The following AHNAK variants were observed in gnomAD, a reference collection of about 807,000 sequenced individuals.
The protein encoded by AHNAK is AHNAK nucleoprotein, also known as neuroblast differentiation-associated protein AHNAK.
AHNAK carries 23 observed loss-of-function variants against 37.8 expected under a neutral mutation model. That is an observed-to-expected ratio of 0.61 (90% CI 0.44 to 0.86). The LOEUF (loss-of-function observed/expected upper bound fraction) is 0.86, where lower values mean the gene tolerates loss of function less well. Ranked by LOEUF, AHNAK falls within the 40% of genes least tolerant of loss-of-function variation. AHNAK has a pLI of 0.00. For missense variants in AHNAK, 7,411 were observed against 7,319.4 expected, an observed-to-expected ratio of 1.01 and a Z score of -0.46; for synonymous variants, 2,481 against 2,636.3, an observed-to-expected ratio of 0.94 and a Z score of 1.80.
Position 62,531,327 on chromosome 11 carries a change from A to T in AHNAK, c.3090T>A (p.Ser1030=). 6.2e-7 allele frequency: 1 copy of T among 1,612,234 alleles called. No individual in the cohort carries two copies. The highest frequency in any genetic ancestry group is 8.5e-7 in the Non-Finnish European group (1 of 1,179,466). ...GAGCATTAGTATCTACTTTTGGTGC[A>T]GAAATGTCCACATTCGCTTTGGACA... The part of the protein sequence containing the change: ...VNLSKANVDI[S]APKVDTNAPD... The change falls in exon 5 of 5, where the codon TCT becomes TCA. Residue 1030 remains serine, a synonymous_variant. Transcript: ENST00000378024.
intron 1 of AHNAK, among the ~76,000 whole-genome samples, chr11:62,539,365 T>A (rs1590691378): frequency 6.6e-6 from 1 of 152,210 alleles, no homozygotes; most frequent in African/African-American, 2.4e-5. Context: ...CACCCCAGCA[T>A]CCTGGTGCTG....
At chr11:62,497,062 G>A (rs903390874) in intron 4 of AHNAK, among the ~76,000 whole-genome samples, 4 of 152,168 alleles carry the variant, frequency 2.6e-5, no homozygotes, top group Non-Finnish European at 5.9e-5. Context: ...ATTATACTGA[G>A]TGATGCGTGG....
chr11:62,468,105 T>C (rs1174174970), intron 5 of AHNAK, among the ~76,000 whole-genome samples: 4 of 152,174 alleles, frequency 2.6e-5, no homozygotes, highest in African/African-American at 9.7e-5. Context: ...CCTAGCACTT[T>C]GGGAGGCCGA....
chr11:62,503,773 A>G (rs951512982), intron 4 of AHNAK, among the ~76,000 whole-genome samples: 12 of 152,100 alleles, frequency 7.9e-5, no homozygotes, highest in African/African-American at 2.7e-4. Context: ...AATTACTTCA[A>G]ACTAAGAGCA....
chr11:62,469,654 G>T (rs1030529372), intron 5 of AHNAK, among the ~76,000 whole-genome samples: 1 of 151,862 alleles, frequency 6.6e-6, no homozygotes, highest in Admixed American at 6.6e-5. Context: ...TTTTAGTAGA[G>T]ATGGGGTTTC....
At chr11:62,460,120 A>AAG (rs1938751744) in intron 5 of AHNAK, among the ~76,000 whole-genome samples, 1 of 151,186 alleles carries the variant, frequency 6.6e-6, no homozygotes, top group Non-Finnish European at 1.5e-5. Flanking sequence ...CTCCGTCTCA[A>AAG]AGAAAAAAAA....
chr11:62,516,389 A>C lies in AHNAK; in HGVS notation c.*355T>G, dbSNP rs115990068. 7.2e-4 allele frequency: 911 copies of C among 1,266,740 alleles called. 3 individuals carry two copies. In the African/African-American group the frequency reaches 0.013, roughly 18 times the overall value. The allele number at this position is 1,266,740 out of a possible 1,614,324, so 78.5% of individuals were successfully genotyped here. ...CATTACAATGAAAAAGTGGGTTTCC[A>C]TTACCCCAAAACTAACAATGTTCAG... On this transcript the variant is annotated 3_prime_UTR_variant, in exon 5 of 5. Coordinates refer to ENST00000378024, the MANE Select transcript of AHNAK (RefSeq NM_001620.3).
At position 62,519,678 on chromosome 11, in the gene AHNAK, A is replaced by G. The variant is rs1360565079; in HGVS notation, c.14739T>C (p.Ala4913=). ...SLKMPSLEIS[A]PKVTAPDVDL... ...CAACATCAGGAGCAGTTACTTTAGG[A>G]GCAGATATCTCCAGCGATGGCATCT... The change falls in exon 5 of 5, where the codon GCT becomes GCC. Residue 4913 remains alanine, a synonymous_variant. Transcript: ENST00000378024. 3.1e-6 allele frequency: 5 copies of G among 1,613,878 alleles called. No homozygotes were observed. The highest frequency in any genetic ancestry group is 2.7e-5 in the African/African-American group (2 of 74,904).
chr11:62,531,440 C>T lies in AHNAK; in HGVS notation c.2977G>A (p.Asp993Asn). ...SAPDVEMQGP[D>N]WNLKMPKIKM... ...ATCTTTGGCATCTTCAAGTTCCAGT[C>T]AGGACCCTGCATTTCAACATCTGGG... is the stretch of plus-strand genomic sequence containing the variant. The change falls in exon 5 of 5, where the codon GAC (aspartate) becomes AAC (asparagine). Residue 993 changes from aspartate (D) to asparagine (N), a missense_variant. Asp to Asn is a conservative substitution (Grantham distance 23, BLOSUM62 1). Coordinates refer to ENST00000378024, the MANE Select transcript of AHNAK (RefSeq NM_001620.3). 9.9e-6 allele frequency: 16 copies of T among 1,614,214 alleles called. No homozygotes were observed. The highest frequency in any genetic ancestry group is 1.4e-5 in the Non-Finnish European group (16 of 1,180,036).
rs1208856030 is a variant in AHNAK, at chr11:62,525,153, G to A, written c.9264C>T (p.Ala3088=). 13 of 1,613,396 alleles carry A rather than the reference G, an allele frequency of 8.1e-6. No individual in the cohort carries two copies. In the South Asian group the frequency reaches 1.1e-4, roughly 14 times the overall value. The part of the protein sequence containing the change: ...KFKMPEMNIK[A]PKISMPDIDL... ...CAATGTCAGGCATGGAGATCTTGGGGGCTTTGATGTTCATCTCAGGCATTT... is the reference window on the plus strand; with the variant it reads ...CAATGTCAGGCATGGAGATCTTGGGAGCTTTGATGTTCATCTCAGGCATTT... Residue 3088 remains alanine (A), a synonymous_variant, in exon 5 of 5, where the codon GCC becomes GCT. Coordinates refer to ENST00000378024, the MANE Select transcript of AHNAK (RefSeq NM_001620.3).
exon 5 of AHNAK, chr11:62,491,738 T>A (rs1565212581): frequency 6.2e-7 from 1 of 1,610,328 alleles, no homozygotes; most frequent in Non-Finnish European, 8.5e-7. Flanking sequence ...TCACCTGCAT[T>A]TGGGGTGGAG....
At position 62,536,110 on chromosome 11, in the gene AHNAK, T is replaced by C; in HGVS notation, c.1-12A>G. ...TCCTCCTTCTCCATCTGGAATGAGG[T>C]GAGGAAATGGAACTGGGGTCAGTGG... On this transcript the variant is annotated splice_polypyrimidine_tract_variant and intron_variant, in intron 2 of 4. Coordinates refer to ENST00000378024, the MANE Select transcript of AHNAK (RefSeq NM_001620.3). 1.3e-6 allele frequency: 2 copies of C among 1,556,696 alleles called. No individual in the cohort carries two copies. The highest frequency in any genetic ancestry group is 1.7e-6 in the Non-Finnish European group (2 of 1,148,926).
In AHNAK at chr11:62,521,128, G is replaced by T; in HGVS notation, c.13289C>A (p.Thr4430Lys). 1 of 1,613,880 alleles carries T rather than the reference G, an allele frequency of 6.2e-7. No individual in the cohort carries two copies. The highest frequency in any genetic ancestry group is 8.5e-7 in the Non-Finnish European group (1 of 1,179,968). Reference sequence around the variant, plus strand: ...CGGACCTTCAATATTGACATCAGGTGTGTCAATGTCCAAACTGGGGCCTTT... The same window carrying T: ...CGGACCTTCAATATTGACATCAGGTTTGTCAATGTCCAAACTGGGGCCTTT... ...DIKGPSLDID[T>K]PDVNIEGPEG... The change falls in exon 5 of 5, where the codon ACA becomes AAA. Residue 4430 changes from threonine (T) to lysine (K), a missense_variant. Physicochemically the swap from Thr to Lys is moderately conservative, Grantham distance 78. Coordinates refer to ENST00000378024, the MANE Select transcript of AHNAK (RefSeq NM_001620.3).
intron 5 of AHNAK, among the ~76,000 whole-genome samples, chr11:62,476,246 G>A (rs1455988555): frequency 6.6e-6 from 1 of 152,156 alleles, no homozygotes; most frequent in Non-Finnish European, 1.5e-5. Flanking sequence ...AAAATTAGCT[G>A]GGCATGGTGG....
At chr11:62,450,976 C>T (rs1186194662) in intron 5 of AHNAK, among the ~76,000 whole-genome samples, 1 of 151,564 alleles carries the variant, frequency 6.6e-6, no homozygotes, top group Non-Finnish European at 1.5e-5. Flanking sequence ...GAGGCCAAGG[C>T]GGGAGGAGAA....
At chr11:62,439,979 T>G (rs1439076186) in intron 5 of AHNAK, among the ~76,000 whole-genome samples, 2 of 152,196 alleles carry the variant, frequency 1.3e-5, no homozygotes, top group African/African-American at 4.8e-5. Context: ...CATTTGTCTT[T>G]TAAGTCTCTC....
At position 62,501,945 on chromosome 11, in the gene AHNAK, C is replaced by A. The variant is rs541997910; in HGVS notation, c.343-10114G>T. ...TCTCTAGGAAGGAAGGGAAGGAGAA[C>A]AAAAGAATAATCAAAAGCCACACTT... On this transcript the variant is annotated intron_variant, in intron 4 of 5. Coordinates refer to the AHNAK transcript ENST00000257247. 8.5e-5 allele frequency among the ~76,000 whole-genome samples: 13 copies of A among 152,322 alleles called. No homozygotes were observed. In the East Asian group the frequency reaches 2.5e-3, roughly 29 times the overall value.
At chr11:62,495,482 C>T (rs1277493865) in intron 4 of AHNAK, among the ~76,000 whole-genome samples, 1 of 151,978 alleles carries the variant, frequency 6.6e-6, no homozygotes, top group African/African-American at 2.4e-5. Flanking sequence ...CCTATAATCC[C>T]AGCACTTTGG....
chr11:62,533,622 C>T lies in AHNAK; in HGVS notation c.795G>A (p.Leu265=), dbSNP rs1209084482. 1.2e-6 allele frequency: 2 copies of T among 1,614,020 alleles called. No homozygotes were observed. Among genetic ancestry groups the T allele is most frequent in the Non-Finnish European group, 8.5e-7 (1 of 1,180,028 alleles). Residue 265 remains leucine (L), a synonymous_variant, in exon 5 of 5, where the codon TTG becomes TTA. Coordinates refer to ENST00000378024, the MANE Select transcript of AHNAK (RefSeq NM_001620.3). ...GSGVNVNAKG[L]DLGGRGGVQV... ...GGACCCCTCCTCTGCCACCCAAGTC[C>T]AAGCCCTTTGCATTGACATTGACAC...
Sources: gnomAD v4.1 joint callset for allele counts (sites outside exome capture counted in the v4.1 genomes callset) on GRCh38, gnomAD v4.1.1 for gene constraint, MANE v1.5 for transcripts, NCBI Gene and HGNC (gene_info 2026-07-23, HGNC 2026-07-21) for gene names.